The following ADARB1 variants were observed in gnomAD, a reference collection of about 807,000 sequenced individuals.
ADARB1 encodes the protein double-stranded RNA-specific editase 1.
ADARB1 carries 10 observed loss-of-function variants against 52.4 expected under a neutral mutation model. The ratio of observed to expected loss-of-function variants is 0.19; its 90% CI spans 0.12 to 0.32. ADARB1 has a LOEUF of 0.32. Ranked by LOEUF, ADARB1 falls within the 10% of genes least tolerant of loss-of-function variation. ADARB1 has a pLI of 1.00. For synonymous variants in ADARB1, 349 were observed against 371.1 expected (o/e 0.94, Z 0.68); for missense variants, 643 against 922.3 (o/e 0.70, Z 3.92).
In ADARB1 at chr21:45,176,916, A is replaced by G. The variant is rs1161140157; in HGVS notation, c.963+252A>G. 6.6e-6 allele frequency among the ~76,000 whole-genome samples: 1 copy of G among 151,568 alleles called. No individual in the cohort carries two copies. Among genetic ancestry groups the G allele is most frequent in the Admixed American group, 6.6e-5 (1 of 15,226 alleles). On this transcript the variant is annotated intron_variant, in intron 4 of 10. Coordinates refer to ENST00000348831, the MANE Select transcript of ADARB1 (RefSeq NM_001112.4). The surrounding 1 kb of genome is among the most constrained non-coding windows in gnomAD (Gnocchi z 5.8). ...GGACACCTGAGACCCCGTCCACCAG[A>G]GCAGTGTTTACAACACTATCCATAA...
chr21:45,211,974 C>T (rs557446144), intron 9 of ADARB1, among the ~76,000 whole-genome samples: 1 of 152,228 alleles, frequency 6.6e-6, no homozygotes, highest in South Asian at 2.1e-4. Flanking sequence ...TTTCTTTTTT[C>T]CTTGTTTCCT....
chr21:45,168,607 T>C (rs1448323227), intron 2 of ADARB1, among the ~76,000 whole-genome samples: 1 of 152,224 alleles, frequency 6.6e-6, no homozygotes, highest in African/African-American at 2.4e-5. Flanking sequence ...GTTGGACATA[T>C]TTGTGTGGTG....
intron 7 of ADARB1, among the ~76,000 whole-genome samples, chr21:45,184,060 C>A (rs571568349): frequency 3.3e-5 from 5 of 152,118 alleles, no homozygotes; most frequent in African/African-American, 4.8e-5. Context: ...ACATTACTTT[C>A]CTTGTTTATA....
Position 45,223,377 on chromosome 21 carries a change from A to T in ADARB1, c.*1180A>T, listed in dbSNP as rs1378729995. The stretch of plus-strand genomic sequence containing the variant: ...CAGGGCTGCCCAGCGCCCAGCGTGC[A>T]CGGGACGGCCCCACGACAGAGGGAG... On this transcript the variant is annotated 3_prime_UTR_variant, in exon 11 of 11. Transcript: ENST00000348831. The T allele has an allele frequency of 1.0e-6, 1 of 985,534 alleles. No homozygotes were observed. The highest frequency in any genetic ancestry group is 6.1e-5 in the Admixed American group (1 of 16,268). 61.0% of individuals were successfully genotyped at this position (985,534 alleles called of 1,614,324 possible).
chr21:45,121,405 T>A (rs2088177659), intron 1 of ADARB1, among the ~76,000 whole-genome samples: 2 of 152,224 alleles, frequency 1.3e-5, no homozygotes, highest in Non-Finnish European at 2.9e-5. Context: ...ACATTGAAGA[T>A]CTCATCCTGC....
At position 45,220,762 on chromosome 21, in the gene ADARB1, G is replaced by A. The variant is rs1569187598; in HGVS notation, c.1748-74G>A. 6 of 1,529,696 alleles carry A rather than the reference G, an allele frequency of 3.9e-6. No individual in the cohort carries two copies. The highest frequency in any genetic ancestry group is 5.4e-6 in the Non-Finnish European group (6 of 1,117,222). 94.8% of individuals were successfully genotyped at this position (1,529,696 alleles called of 1,614,324 possible). A position where few individuals can be genotyped will look rare whatever the true frequency, so the allele number is the denominator to read the frequency against. On this transcript the variant is annotated intron_variant, in intron 9 of 10. Coordinates refer to ENST00000348831, the MANE Select transcript of ADARB1 (RefSeq NM_001112.4). This position sits in a 1 kb window ranked among gnomAD's most constrained non-coding sequence, Gnocchi z 6.3. The stretch of plus-strand genomic sequence containing the variant: ...TTCTGTGGCCATGTCTGAGCACAGT[G>A]TGCCGCCCGTGGCTGCTCCCTCCCT...
intron 9 of ADARB1, among the ~76,000 whole-genome samples, chr21:45,211,720 A>G (rs1456933634): frequency 3.9e-5 from 6 of 152,204 alleles, no homozygotes; most frequent in East Asian, 3.8e-4. Context: ...CACTTAATTT[A>G]CAACAACAGA....
chr21:45,123,912 T>C (rs2088375954), intron 1 of ADARB1, among the ~76,000 whole-genome samples: 1 of 152,242 alleles, frequency 6.6e-6, no homozygotes, highest in South Asian at 2.1e-4. Context: ...TATCCTATAT[T>C]TTGAAATAAT....
At chr21:45,214,104 T>C (rs183441425) in intron 9 of ADARB1, among the ~76,000 whole-genome samples, 2 of 152,360 alleles carry the variant, frequency 1.3e-5, no homozygotes, top group East Asian at 1.9e-4. Flanking sequence ...TGATATTCCA[T>C]TGTGCTTTTA....
chr21:45,222,363 G>T lies in ADARB1; in HGVS notation c.*166G>T. ...GTCCCCAGCATCTCACATCAGACCT[G>T]GGGCAGGTGCGCAGTGTGGGGAGGG... On this transcript the variant is annotated 3_prime_UTR_variant, in exon 11 of 11. Coordinates refer to ENST00000348831, the MANE Select transcript of ADARB1 (RefSeq NM_001112.4). 1 of 1,372,402 alleles carries T rather than the reference G, an allele frequency of 7.3e-7. No individual in the cohort carries two copies. The highest frequency in any genetic ancestry group is 9.3e-7 in the Non-Finnish European group (1 of 1,069,948). 85.0% of individuals were successfully genotyped at this position (1,372,402 alleles called of 1,614,324 possible).
At chr21:45,114,025 T>C (rs439884) in intron 1 of ADARB1, among the ~76,000 whole-genome samples, 130,912 of 152,204 alleles carry the variant, frequency 0.86, 56,497 homozygotes, top group Non-Finnish European at 0.9. Flanking sequence ...AACACATATG[T>C]GGCATTAAGT....
At chr21:45,209,381 T>G (rs73907273) in intron 9 of ADARB1, among the ~76,000 whole-genome samples, 2,316 of 152,352 alleles carry the variant, frequency 0.015, 66 homozygotes, top group African/African-American at 0.051. Flanking sequence ...TCCAGATTTA[T>G]TTTTCACTTT....
At chr21:45,077,730 A>G (rs576729740) in intron 1 of ADARB1, among the ~76,000 whole-genome samples, 2 of 152,092 alleles carry the variant, frequency 1.3e-5, no homozygotes, top group Non-Finnish European at 2.9e-5. Context: ...CTAAAATAGG[A>G]ATTTCTAAAT....
chr21:45,179,642 C>A (rs74619412), intron 4 of ADARB1, among the ~76,000 whole-genome samples: 8,407 of 152,270 alleles, frequency 0.055, 348 homozygotes, highest in Non-Finnish European at 0.069. Flanking sequence ...AACGTCTAAG[C>A]GCTTTCCCTC....
intron 8 of ADARB1, among the ~76,000 whole-genome samples, chr21:45,192,860 C>T (rs951642157): frequency 6.6e-6 from 1 of 152,162 alleles, no homozygotes. Context: ...CTGAAAGACA[C>T]ATACTACCAA....
chr21:45,080,380 G>T (rs1326293360), intron 1 of ADARB1, among the ~76,000 whole-genome samples: 1 of 152,368 alleles, frequency 6.6e-6, no homozygotes, highest in Non-Finnish European at 1.5e-5. Flanking sequence ...CCTTGAGAAG[G>T]TGAGAGGGAG....
intron 1 of ADARB1, among the ~76,000 whole-genome samples, chr21:45,111,057 C>T (rs930906588): frequency 3.9e-5 from 6 of 152,074 alleles, no homozygotes; most frequent in Non-Finnish European, 7.4e-5. Context: ...AGAAGCGTTA[C>T]GCAAGCAGGA....
chr21:45,088,650 G>A (rs931332000), intron 1 of ADARB1, among the ~76,000 whole-genome samples: 3 of 152,212 alleles, frequency 2.0e-5, no homozygotes, highest in Non-Finnish European at 4.4e-5. Context: ...TGATTAGTGG[G>A]CCAGAGTTTG....
At chr21:45,184,865 C>A in intron 7 of ADARB1, 58 bp from the exon 8 acceptor site, 2 of 1,502,090 alleles carry the variant, frequency 1.3e-6, no homozygotes, top group South Asian at 1.2e-5. Flanking sequence ...ATGTGCTTTT[C>A]AATAAATCAA....
Sources: allele counts gnomAD v4.1 joint callset (sites outside exome capture counted in the v4.1 genomes callset), GRCh38; gene constraint gnomAD v4.1.1; non-coding constraint Gnocchi (gnomAD v3.1); transcripts MANE v1.5; gene names NCBI Gene and HGNC (gene_info 2026-07-23, HGNC 2026-07-21).